Variants in CLVS1 observed in about 807,000 individuals in gnomAD.
CLVS1 encodes clavesin 1.
In CLVS1, 10 loss-of-function variants were observed where a neutral mutation model predicts 33.1. The observed-to-expected ratio is 0.30, with a 90% CI of 0.19 to 0.51. The LOEUF is 0.51. Among genes scored for constraint, CLVS1 ranks in the 20% least tolerant of loss-of-function variants. The probability of loss-of-function intolerance (pLI) is 0.97; values close to 1 mark genes in which losing one functional copy is unlikely to be tolerated. For missense variants in CLVS1, 343 were observed against 433.4 expected (o/e 0.79, Z 1.85); for synonymous variants, 163 against 166.1 (o/e 0.98, Z 0.14).
At chr8:61,244,250 TAA>T (rs1808762872) in intron 2 of CLVS1, among the ~76,000 whole-genome samples, 1 of 152,076 alleles carries the variant, frequency 6.6e-6, no homozygotes, top group East Asian at 1.9e-4. Context: ...CTGTGATCCA[TAA>T]GTTATTTAAA....
At chr8:61,250,590 C>T (rs974873297) in intron 2 of CLVS1, among the ~76,000 whole-genome samples, 2 of 152,128 alleles carry the variant, frequency 1.3e-5, no homozygotes, top group Non-Finnish European at 2.9e-5. Flanking sequence ...TTTCTTATTT[C>T]CTTGAGCAGT....
intron 2 of CLVS1, among the ~76,000 whole-genome samples, chr8:61,254,508 G>GC (rs1449661403): frequency 6.6e-6 from 1 of 152,176 alleles, no homozygotes; most frequent in Non-Finnish European, 1.5e-5. Context: ...GCTATGCCCT[G>GC]CCCCCAGAAG....
intron 2 of CLVS1, among the ~76,000 whole-genome samples, chr8:61,341,152 T>C (rs1424586185): frequency 6.6e-6 from 1 of 152,194 alleles, no homozygotes; most frequent in Non-Finnish European, 1.5e-5. Flanking sequence ...AAATATCTCC[T>C]TTTTGGCTTC....
the CLVS1 span, among the ~76,000 whole-genome samples, chr8:60,974,191 T>C: frequency 6.6e-6 from 1 of 152,224 alleles, no homozygotes; most frequent in African/African-American, 2.4e-5. Context: ...TTTTTTCAAA[T>C]AGTTTTTTTT....
chr8:61,481,419 G>T (rs2350577), intron 5 of CLVS1, among the ~76,000 whole-genome samples: 15 of 152,142 alleles, frequency 9.9e-5, no homozygotes, highest in Admixed American at 9.8e-4. Flanking sequence ...CCCAGGAAGC[G>T]CAAGGGGTCA....
intron 3 of CLVS1, among the ~76,000 whole-genome samples, chr8:61,415,885 A>G (rs773355725): frequency 4.6e-5 from 7 of 152,206 alleles, no homozygotes; most frequent in Non-Finnish European, 8.8e-5. Flanking sequence ...TTATCCATAC[A>G]TTAATTTGTG....
At chr8:61,092,888 C>T (rs1339896524) in intron 1 of CLVS1, among the ~76,000 whole-genome samples, 1 of 152,120 alleles carries the variant, frequency 6.6e-6, no homozygotes, top group African/African-American at 2.4e-5. Context: ...TTCTGCTTCC[C>T]AAGTGGTATC....
chr8:61,113,639 C>T (rs903997236), intron 1 of CLVS1, among the ~76,000 whole-genome samples: 3 of 152,130 alleles, frequency 2.0e-5, no homozygotes, highest in African/African-American at 7.2e-5. Context: ...TTCAAGAATG[C>T]AAGTTTCAGG....
intron 1 of CLVS1, among the ~76,000 whole-genome samples, chr8:61,118,389 C>T (rs1228280006): frequency 2.0e-5 from 3 of 149,508 alleles, no homozygotes; most frequent in African/African-American, 7.5e-5. Flanking sequence ...CTGCTCTGAT[C>T]TTAGTTATTT....
In CLVS1 at chr8:61,300,202, G is replaced by T. The variant is rs377267033; in HGVS notation, c.375G>T (p.Gly125=). 1.2e-5 allele frequency: 19 copies of T among 1,613,854 alleles called. No homozygotes were observed. Among genetic ancestry groups the T allele is most frequent in the Middle Eastern group, 1.6e-4 (1 of 6,080 alleles). The change falls in exon 2 of 6, where the codon GGG becomes GGT. Residue 125 remains glycine, a synonymous_variant. Transcript: ENST00000325897. ...GCATTAAGAGGGCTCTGATCGATGGGTTCCCCGGGGTGCTGGAAAACCGAG... is the reference window on the plus strand; with the variant it reads ...GCATTAAGAGGGCTCTGATCGATGGTTTCCCCGGGGTGCTGGAAAACCGAG... ...DPGIKRALID[G]FPGVLENRDH... is the part of the protein sequence containing the mutation.
intron 2 of CLVS1, among the ~76,000 whole-genome samples, chr8:61,308,414 TG>T (rs1810708341): frequency 1.3e-5 from 2 of 152,174 alleles, no homozygotes; most frequent in South Asian, 4.2e-4. Flanking sequence ...ATGGAGCTTC[TG>T]AAAGACTGCA....
chr8:61,167,756 A>C (rs1262925764), intron 2 of CLVS1, among the ~76,000 whole-genome samples: 1 of 152,184 alleles, frequency 6.6e-6, no homozygotes, highest in Non-Finnish European at 1.5e-5. Context: ...GGTTGTAGTA[A>C]AGAAGCCGGC....
chr8:61,469,350 G>A (rs1245185027), intron 5 of CLVS1, among the ~76,000 whole-genome samples: 1 of 152,116 alleles, frequency 6.6e-6, no homozygotes, highest in African/African-American at 2.4e-5. Flanking sequence ...TCATCCTTAT[G>A]TTCTGTAAAT....
In CLVS1 at chr8:61,059,475, C is replaced by CATACATATATATATATATATATAT. The variant is rs59538219; in HGVS notation, c.-243+2248_-243+2249insCATATATATATATATATATATATA. Among the ~76,000 whole-genome samples, 82 of 50,174 alleles carry CATACATATATATATATATATATAT rather than the reference C, an allele frequency of 1.6e-3. 2 individuals are homozygous for CATACATATATATATATATATATAT. The highest frequency in any genetic ancestry group is 2.9e-3 in the African/African-American group (48 of 16,808). The allele number at this position is 50,174 out of a possible 152,430, so 32.9% of individuals were successfully genotyped here. On this transcript the variant is annotated intron_variant, in intron 1 of 2. Coordinates refer to the CLVS1 transcript ENST00000522621. ...ACACACACATATACATACATACATACATATATATATATATATATATATATA... is the reference window on the plus strand; with the variant it reads ...ACACACACATATACATACATACATACATACATATATATATATATATATATATATATATATATATATATATATATA...
intron 2 of CLVS1, among the ~76,000 whole-genome samples, chr8:61,138,634 G>C (rs1367970078): frequency 2.6e-5 from 4 of 151,578 alleles, no homozygotes; most frequent in South Asian, 4.2e-4. Flanking sequence ...TGGGGTAAGG[G>C]TGGGGGGATA....
chr8:61,476,279 G>A lies in CLVS1; in HGVS notation c.977+17737G>A, dbSNP rs559495903. On this transcript the variant is annotated intron_variant, in intron 5 of 5. Coordinates refer to ENST00000325897, the MANE Select transcript of CLVS1 (RefSeq NM_173519.3). ...GGCTTAGGATTGACTTGGCAATGTG[G>A]GCTCTTTTTGGGTTCCATATGAACT... 5.5e-4 allele frequency among the ~76,000 whole-genome samples: 84 copies of A among 152,274 alleles called. 1 individual carries two copies. In the Middle Eastern group the frequency reaches 0.027, roughly 49 times the overall value.
intron 2 of CLVS1, among the ~76,000 whole-genome samples, chr8:61,369,577 G>A (rs1251357171): frequency 2.6e-5 from 4 of 152,214 alleles, no homozygotes; most frequent in Admixed American, 1.3e-4. Flanking sequence ...CATGAAAACA[G>A]TGACTAAGAG....
chr8:61,386,492 T>C (rs932189662), intron 3 of CLVS1, among the ~76,000 whole-genome samples: 6 of 152,214 alleles, frequency 3.9e-5, no homozygotes, highest in African/African-American at 1.4e-4. Flanking sequence ...GCAAATGCCA[T>C]GCTCAGCTGA....
intron 3 of CLVS1, among the ~76,000 whole-genome samples, chr8:61,435,978 C>T (rs1816316680): frequency 6.6e-6 from 1 of 152,078 alleles, no homozygotes; most frequent in Non-Finnish European, 1.5e-5. Flanking sequence ...CAAATAAACA[C>T]TTAATATTTT....
Sources: gnomAD v4.1 joint callset for allele counts (sites outside exome capture counted in the v4.1 genomes callset) on GRCh38, gnomAD v4.1.1 for gene constraint, MANE v1.5 for transcripts, NCBI Gene and HGNC (gene_info 2026-07-23, HGNC 2026-07-21) for gene names.